SCN3A: variants seen among roughly 807,000 people sequenced by gnomAD.
SCN3A encodes the protein sodium channel protein type 3 subunit alpha.
A neutral mutation model predicts 187.6 loss-of-function variants in SCN3A; 60 were observed. That is an observed-to-expected ratio of 0.32 (90% CI 0.26 to 0.40). The LOEUF (loss-of-function observed/expected upper bound fraction) is 0.40. SCN3A is among the 10% of genes least tolerant of loss of function. The probability of loss-of-function intolerance (pLI) is 1.00; values close to 1 mark genes in which losing one functional copy is unlikely to be tolerated. For missense variants in SCN3A, 1,601 were observed against 2,428.2 expected, an observed-to-expected ratio of 0.66 and a Z score of 7.16; for synonymous variants, 788 against 829.2, an observed-to-expected ratio of 0.95 and a Z score of 0.85.
At chr2:165,134,854 C>A (rs1376193797) in intron 15 of SCN3A, among the ~76,000 whole-genome samples, 1 of 151,906 alleles carries the variant, frequency 6.6e-6, no homozygotes, top group Non-Finnish European at 1.5e-5. Flanking sequence ...CTACAAATAT[C>A]TCTTTCTATA....
At chr2:165,188,804 C>CAAAAAAAAAAAAAA (rs763003775) in intron 1 of SCN3A, among the ~76,000 whole-genome samples, 1 of 72,546 alleles carries the variant, frequency 1.4e-5, no homozygotes, top group Non-Finnish European at 3.1e-5. Flanking sequence ...CGCCCCACTT[C>CAAAAAAAAAAAAAA]AAAAAAAAAA....
At chr2:165,164,656 TAATCTA>T in intron 5 of SCN3A, 136 bp from the exon 6 acceptor site, 2 of 969,150 alleles carry the variant, frequency 2.1e-6, no homozygotes, top group Non-Finnish European at 3.1e-6. Flanking sequence ...ATTTACCAAA[TAATCTA>T]TTCATTTAGT....
rs1389891208 is a variant in SCN3A at position 165,119,506 on chromosome 2, C to T, written c.3394-3931G>A. ...TGTACACCCTGAAAAACTATATAAG[C>T]ATTTTAAATTGTATACATTTATATG... On this transcript the variant is annotated intron_variant, in intron 18 of 27. Transcript: ENST00000283254. Among the ~76,000 whole-genome samples the T allele has an allele frequency of 2.0e-5, 3 of 152,052 alleles. No homozygotes were observed. In the East Asian group the frequency reaches 5.8e-4, roughly 29 times the overall value.
At chr2:165,168,900 G>T in intron 4 of SCN3A, 75 bp from the exon 5 acceptor site, 2 of 956,760 alleles carry the variant, frequency 2.1e-6, no homozygotes, top group Non-Finnish European at 3.4e-6. Context: ...ACACAAAAAA[G>T]TTTATCGATG....
chr2:165,178,136 G>A (rs1690586107), intron 2 of SCN3A, among the ~76,000 whole-genome samples: 2 of 152,118 alleles, frequency 1.3e-5, no homozygotes, highest in Admixed American at 6.5e-5. Context: ...TATTATGTGT[G>A]TGGGGGTTTT....
chr2:165,104,149 C>A (rs1685739576), intron 21 of SCN3A, among the ~76,000 whole-genome samples: 1 of 151,628 alleles, frequency 6.6e-6, no homozygotes, highest in Non-Finnish European at 1.5e-5. Context: ...TTTTGAATTA[C>A]AAAAACTTTA....
At position 165,130,264 on chromosome 2, in the gene SCN3A, G is replaced by A. The variant is rs762696399; in HGVS notation, c.2598C>T (p.Pro866=). 1.2e-6 allele frequency: 2 copies of A among 1,614,098 alleles called. No individual in the cohort carries two copies. Among genetic ancestry groups the A allele is most frequent in the Admixed American group, 3.3e-5 (2 of 60,006 alleles). ...LRVFKLAKSW[P]TLNMLIKIIG... ...TGATCTTAATTAGCATATTTAGTGT[G>A]GGCCAGGATTTTGCCAACTTGAAAA... is the stretch of plus-strand genomic sequence containing the variant. The change falls in exon 17 of 28, where the codon CCC becomes CCT. Residue 866 remains proline (P), a synonymous_variant. Coordinates refer to ENST00000283254, the MANE Select transcript of SCN3A (RefSeq NM_006922.4).
At chr2:165,168,093 G>A (rs936008456) in intron 5 of SCN3A, among the ~76,000 whole-genome samples, 1 of 151,964 alleles carries the variant, frequency 6.6e-6, no homozygotes, top group African/African-American at 2.4e-5. Context: ...TCTTTTTATT[G>A]GGATTATTAT....
chr2:165,098,044 C>G (rs1574102863), intron 22 of SCN3A, among the ~76,000 whole-genome samples: 1 of 151,980 alleles, frequency 6.6e-6, no homozygotes, highest in Non-Finnish European at 1.5e-5. Flanking sequence ...CCTTTTTCCC[C>G]CTGTTAGTAA....
At chr2:165,159,725 T>A (rs1240136611) in intron 9 of SCN3A, among the ~76,000 whole-genome samples, 1 of 133,958 alleles carries the variant, frequency 7.5e-6, no homozygotes, top group Non-Finnish European at 1.5e-5. Context: ...TTCCAGTTGC[T>A]GGTTTGTCTT....
At chr2:165,095,980 A>C (rs1334941337) in intron 24 of SCN3A, among the ~76,000 whole-genome samples, 1 of 152,164 alleles carries the variant, frequency 6.6e-6, no homozygotes, top group Non-Finnish European at 1.5e-5. Context: ...GGAAATGCTG[A>C]ATTTTGGAAA....
chr2:165,191,876 A>G, intron 1 of SCN3A, among the ~76,000 whole-genome samples: 1 of 151,968 alleles, frequency 6.6e-6, no homozygotes, highest in East Asian at 1.9e-4. Flanking sequence ...CTCAATGAAT[A>G]CTTTTTTAAA....
intron 11 of SCN3A, among the ~76,000 whole-genome samples, chr2:165,154,212 G>A (rs1688872528): frequency 6.6e-6 from 1 of 151,714 alleles, no homozygotes. Flanking sequence ...CAATTCCATA[G>A]TAAACCTTAT....
chr2:165,155,442 T>C (rs960212532), intron 10 of SCN3A, among the ~76,000 whole-genome samples: 1 of 151,924 alleles, frequency 6.6e-6, no homozygotes, highest in Non-Finnish European at 1.5e-5. Flanking sequence ...CTCTGTCATC[T>C]AGGCTGGAGT....
In SCN3A at chr2:165,164,365, G is replaced by A. The variant is rs193020936; in HGVS notation, c.602+27C>T. 357 of 1,613,248 alleles carry A rather than the reference G, an allele frequency of 2.2e-4. No homozygotes were observed. The African/African-American group carries it at 3.5e-3, about 16-fold the overall frequency. ...ACTATGACTATTTTCACTCCTTTGC[G>A]CTTATCAAATTTTCAAAGTTACTCA... On this transcript the variant is annotated intron_variant, in intron 6 of 27. Transcript: ENST00000283254.
At chr2:165,109,471 C>T (rs1427450807) in intron 21 of SCN3A, among the ~76,000 whole-genome samples, 1 of 152,144 alleles carries the variant, frequency 6.6e-6, no homozygotes, top group Non-Finnish European at 1.5e-5. Context: ...ACCTACCCTG[C>T]CAAATCTTTT....
chr2:165,195,466 A>G (rs765507338), intron 1 of SCN3A: 3 of 152,198 alleles, frequency 2.0e-5, no homozygotes, highest in Admixed American at 6.5e-5. Context: ...AGAAAAGTCT[A>G]TCAGAAAGTA....
intron 15 of SCN3A, among the ~76,000 whole-genome samples, chr2:165,134,120 C>G (rs1162635280): frequency 1.3e-5 from 2 of 152,098 alleles, no homozygotes; most frequent in Non-Finnish European, 2.9e-5. Flanking sequence ...GGAGAAAATA[C>G]TCAGTATGCA....
chr2:165,198,703 C>T (rs1692131433), intron 1 of SCN3A, among the ~76,000 whole-genome samples: 1 of 151,986 alleles, frequency 6.6e-6, no homozygotes, highest in African/African-American at 2.4e-5. Context: ...CTTTCTCTTA[C>T]CTACTTTGCC....
Sources: gnomAD v4.1 joint callset for allele counts (sites outside exome capture counted in the v4.1 genomes callset) on GRCh38, gnomAD v4.1.1 for gene constraint, MANE v1.5 for transcripts, NCBI Gene and HGNC (gene_info 2026-07-23, HGNC 2026-07-21) for gene names.